CEACAM20: variants seen among roughly 807,000 people sequenced by gnomAD.
The protein encoded by CEACAM20 is cell adhesion molecule CEACAM20.
Under a neutral mutation model 61.2 loss-of-function variants are expected in CEACAM20, and 50 were observed. That is an observed-to-expected ratio of 0.82 (90% CI 0.65 to 1.03). The LOEUF (loss-of-function observed/expected upper bound fraction) is 1.03. Among genes scored for constraint, CEACAM20 ranks in the 50% least tolerant of loss-of-function variants. The pLI is 0.00. For missense variants in CEACAM20, 683 were observed against 736.4 expected (o/e 0.93, Z 0.84); for synonymous variants, 282 against 287.7 (o/e 0.98, Z 0.20).
intron 6 of CEACAM20, among the ~76,000 whole-genome samples, chr19:44,514,340 T>C (rs1023204675): frequency 2.0e-5 from 3 of 152,110 alleles, no homozygotes; most frequent in African/African-American, 7.2e-5. Context: ...GCCACTGAGT[T>C]AAGAACACAG....
At chr19:44,511,897 G>T in intron 9 of CEACAM20, 120 bp downstream of exon 9, 1 of 1,032,944 alleles carries the variant, frequency 9.7e-7, no homozygotes, top group South Asian at 1.4e-5. Flanking sequence ...AGGAGATGCA[G>T]AGAGACTTAA....
chr19:44,518,282 G>C (rs1215054155), intron 5 of CEACAM20, among the ~76,000 whole-genome samples: 1 of 151,918 alleles, frequency 6.6e-6, no homozygotes, highest in African/African-American at 2.4e-5. Context: ...TTGTGGCTGC[G>C]TCCTGTGTAT....
intron 11 of CEACAM20, among the ~76,000 whole-genome samples, chr19:44,510,664 C>G (rs10415710): frequency 0.42 from 61,044 of 145,794 alleles, 13,749 homozygotes; most frequent in South Asian, 0.53. Context: ...GCATGGAATA[C>G]AGTAGAGTGA....
At chr19:44,521,809 T>C (rs1459666437) in intron 4 of CEACAM20, among the ~76,000 whole-genome samples, 1 of 152,172 alleles carries the variant, frequency 6.6e-6, no homozygotes, top group African/African-American at 2.4e-5. Flanking sequence ...TTGTGTTTAC[T>C]GTGTGTATTG....
intron 4 of CEACAM20, among the ~76,000 whole-genome samples, chr19:44,521,419 G>A (rs540380029): frequency 6.6e-6 from 1 of 152,192 alleles, no homozygotes; most frequent in South Asian, 2.1e-4. Context: ...TTATGTGAGT[G>A]TGTCATGTAT....
intron 5 of CEACAM20, among the ~76,000 whole-genome samples, chr19:44,518,099 AAAGAAAGGAAGG>A (rs1371914846): frequency 1.3e-3 from 130 of 102,630 alleles, no homozygotes; most frequent in Admixed American, 3.3e-3. Flanking sequence ...AGAAAGAAAG[AAAGAAAGGAAGG>A]AAGGAAGGAA....
intron 6 of CEACAM20, 141 bp from the exon 7 acceptor site, chr19:44,513,430 G>A (rs1971066643): frequency 2.3e-6 from 1 of 432,560 alleles, no homozygotes; most frequent in Non-Finnish European, 4.0e-6. Flanking sequence ...TCAGATTGTG[G>A]TTTTTGGTTT....
At chr19:44,517,935 T>C (rs1568452435) in intron 5 of CEACAM20, among the ~76,000 whole-genome samples, 1 of 151,082 alleles carries the variant, frequency 6.6e-6, no homozygotes, top group Non-Finnish European at 1.5e-5. Context: ...AAATAAAAAC[T>C]AGCTGGATGT....
chr19:44,523,555 T>C (rs1413175873), intron 3 of CEACAM20, among the ~76,000 whole-genome samples: 1 of 151,762 alleles, frequency 6.6e-6, no homozygotes, highest in Admixed American at 6.6e-5. Context: ...CATTAAGGCA[T>C]ACAGGCATGA....
At chr19:44,510,631 AAAGAG>A in intron 11 of CEACAM20, among the ~76,000 whole-genome samples, 2 of 144,908 alleles carry the variant, frequency 1.4e-5, no homozygotes, top group African/African-American at 5.1e-5. Context: ...AGGAAGAAAG[AAAGAG>A]AAGAAAGAAA....
intron 5 of CEACAM20, 52 bp from the exon 6 acceptor site, chr19:44,517,276 C>G: frequency 6.4e-7 from 1 of 1,571,882 alleles, no homozygotes; most frequent in Non-Finnish European, 8.6e-7. Context: ...GCGAGTCATC[C>G]CATTCTGCCC....
In CEACAM20 at chr19:44,524,008, G is replaced by A; in HGVS notation, c.450C>T (p.Asp150=). ...CACACTTCACATCCAGGAAGATGGG[G>A]TCGCTCCTCTGGCTCAGAAGGGCAT... The part of the protein sequence containing the change: ...ARDALLSQRS[D]PIFLDVKYGP... Residue 150 remains aspartate, a synonymous_variant, in exon 3 of 12, where the codon GAC becomes GAT. Coordinates refer to ENST00000614924, the MANE Select transcript of CEACAM20 (RefSeq NM_001102597.3). 1.3e-6 allele frequency: 2 copies of A among 1,552,512 alleles called. No homozygotes were observed. The highest frequency in any genetic ancestry group is 1.7e-6 in the Non-Finnish European group (2 of 1,147,220).
intron 11 of CEACAM20, among the ~76,000 whole-genome samples, 162 bp from the exon 12 acceptor site, chr19:44,506,376 G>A (rs555221313): frequency 1.1e-4 from 17 of 152,244 alleles, no homozygotes; most frequent in African/African-American, 3.6e-4. Flanking sequence ...GCACATCTCT[G>A]TTCCTGGAAT....
chr19:44,510,620 A>G, intron 11 of CEACAM20, among the ~76,000 whole-genome samples: 1 of 89,868 alleles, frequency 1.1e-5, no homozygotes, highest in Admixed American at 1.2e-4. Context: ...AAAAGGAAGG[A>G]AGGAAGAAAG....
At chr19:44,522,587 C>A (rs764607242) in intron 4 of CEACAM20, 47 bp downstream of exon 4, 6 of 1,587,138 alleles carry the variant, frequency 3.8e-6, no homozygotes, top group Non-Finnish European at 5.2e-6. Flanking sequence ...TGGCCAGCAT[C>A]TGACGCTCAG....
rs1464439495 is a variant in CEACAM20 at position 44,523,975 on chromosome 19, A to C, written c.472+11T>G. The stretch of plus-strand genomic sequence containing the variant: ...TCAGTGAGGGGTTGGAGAGAATGGA[A>C]AGGGACTCACACTTCACATCCAGGA... On this transcript the variant is annotated intron_variant, in intron 3 of 11. Transcript: ENST00000614924. The C allele has an allele frequency of 2.6e-6, 4 of 1,545,860 alleles. No homozygotes were observed. Among genetic ancestry groups the C allele is most frequent in the Non-Finnish European group, 3.5e-6 (4 of 1,142,980 alleles).
chr19:44,509,332 A>T (rs191529555), intron 11 of CEACAM20, among the ~76,000 whole-genome samples: 40 of 151,352 alleles, frequency 2.6e-4, no homozygotes, highest in Admixed American at 2.5e-3. Flanking sequence ...AAAGTATAAC[A>T]TTAAAGAATA....
chr19:44,510,612 A>AAAG (rs1970963901), intron 11 of CEACAM20, among the ~76,000 whole-genome samples: 1 of 54,930 alleles, frequency 1.8e-5, no homozygotes, highest in Non-Finnish European at 2.8e-5. Flanking sequence ...AAGAAAGAAA[A>AAAG]AGGAAGGAAG....
At chr19:44,528,653 T>C (rs1057239742) in intron 1 of CEACAM20, among the ~76,000 whole-genome samples, 2 of 148,420 alleles carry the variant, frequency 1.3e-5, no homozygotes, top group African/African-American at 5.2e-5. Flanking sequence ...CATCTTTCTC[T>C]GTCTCTCTCT....
Sources: gnomAD v4.1 joint callset for allele counts (sites outside exome capture counted in the v4.1 genomes callset) on GRCh38, gnomAD v4.1.1 for gene constraint, MANE v1.5 for transcripts, NCBI Gene and HGNC (gene_info 2026-07-23, HGNC 2026-07-21) for gene names.